The following FHIT variants were observed in gnomAD, a reference collection of about 807,000 sequenced individuals.
The protein encoded by FHIT is fragile histidine triad diadenosine triphosphatase.
Under a neutral mutation model 17.9 loss-of-function variants are expected in FHIT, and 19 were observed. The observed-to-expected ratio is 1.06, with a 90% CI of 0.74 to 1.56. FHIT has a LOEUF of 1.56. Among genes scored for constraint, FHIT ranks in the 40% most tolerant of loss-of-function variants. The pLI is 0.00. For missense variants in FHIT, 248 were observed against 189.2 expected (o/e 1.31, Z -1.82); for synonymous variants, 81 against 69.7 (o/e 1.16, Z -0.81).
intron 3 of FHIT, among the ~76,000 whole-genome samples, chr3:60,827,550 A>G (rs1465302387): frequency 6.6e-6 from 1 of 152,220 alleles, no homozygotes; most frequent in Admixed American, 6.5e-5. Context: ...GATTCCACAC[A>G]TGGAAATTAG....
chr3:60,591,175 T>C (rs1323683769), intron 4 of FHIT, among the ~76,000 whole-genome samples: 3 of 152,006 alleles, frequency 2.0e-5, no homozygotes, highest in Non-Finnish European at 4.4e-5. Context: ...AACTAAAACA[T>C]ATTTTCCATT....
chr3:61,218,534 C>T (rs182543704), intron 1 of FHIT, among the ~76,000 whole-genome samples: 9 of 151,724 alleles, frequency 5.9e-5, no homozygotes, highest in Admixed American at 3.9e-4. Flanking sequence ...GGCTGGAAGA[C>T]GGTTTGTTTG....
intron 5 of FHIT, among the ~76,000 whole-genome samples, chr3:60,097,928 T>C (rs950811608): frequency 7.6e-5 from 11 of 144,616 alleles, no homozygotes; most frequent in Middle Eastern, 3.6e-3. Flanking sequence ...TGTGTTCTCA[T>C]TGTTCAATTC....
intron 5 of FHIT, among the ~76,000 whole-genome samples, chr3:60,243,480 C>T (rs772205004): frequency 1.3e-4 from 20 of 152,088 alleles, no homozygotes; most frequent in Non-Finnish European, 2.8e-4. Context: ...TGCCTGCATA[C>T]ACTCTAGGGA....
intron 5 of FHIT, 106 bp downstream of exon 5, chr3:60,536,754 T>C (rs2035995051): frequency 2.5e-6 from 3 of 1,223,490 alleles, no homozygotes; most frequent in South Asian, 4.0e-5. Context: ...ATTCTTTATT[T>C]ACCTTTTTGG....
intron 1 of FHIT, among the ~76,000 whole-genome samples, chr3:61,213,734 A>G (rs999191358): frequency 7.2e-5 from 11 of 152,192 alleles, no homozygotes; most frequent in South Asian, 2.1e-4. Flanking sequence ...CACCTATTCC[A>G]AAATTGACCA....
chr3:60,251,829 T>C (rs1269521605), intron 5 of FHIT, among the ~76,000 whole-genome samples: 2 of 152,214 alleles, frequency 1.3e-5, no homozygotes, highest in Non-Finnish European at 2.9e-5. Context: ...GAACTAACTA[T>C]GTGCAAGACA....
At chr3:60,757,263 T>C (rs1449597089) in intron 4 of FHIT, among the ~76,000 whole-genome samples, 1 of 152,190 alleles carries the variant, frequency 6.6e-6, no homozygotes, top group African/African-American at 2.4e-5. Context: ...CCAATATTTA[T>C]TGAGAAACCA....
intron 4 of FHIT, among the ~76,000 whole-genome samples, chr3:60,648,058 T>C (rs1553687250): frequency 6.6e-6 from 1 of 152,126 alleles, no homozygotes; most frequent in Admixed American, 6.5e-5. Context: ...AGGTCACTCC[T>C]AAGCCTTCAA....
At chr3:60,130,372 T>G (rs1004550595) in intron 5 of FHIT, among the ~76,000 whole-genome samples, 1 of 152,152 alleles carries the variant, frequency 6.6e-6, no homozygotes, top group African/African-American at 2.4e-5. Flanking sequence ...TGGCTATAAC[T>G]AGCACTATCC....
At chr3:60,744,258 C>CAAAA (rs371224955) in intron 4 of FHIT, among the ~76,000 whole-genome samples, 37 of 95,582 alleles carry the variant, frequency 3.9e-4, no homozygotes, top group African/African-American at 8.3e-4. Context: ...AAAAAAAAAA[C>CAAAA]AAAACAAAAC....
intron 5 of FHIT, among the ~76,000 whole-genome samples, chr3:60,435,976 A>G (rs999215966): frequency 6.6e-6 from 1 of 152,128 alleles, no homozygotes; most frequent in Non-Finnish European, 1.5e-5. Flanking sequence ...TTATCCCTGC[A>G]AAGGACATGA....
intron 8 of FHIT, among the ~76,000 whole-genome samples, chr3:59,883,658 G>T (rs1362940823): frequency 1.3e-5 from 2 of 152,192 alleles, no homozygotes; most frequent in African/African-American, 4.8e-5. Context: ...ATTGTATCTT[G>T]TGGTGGAAAT....
chr3:60,137,818 T>C (rs1267919352), intron 5 of FHIT, among the ~76,000 whole-genome samples: 1 of 152,052 alleles, frequency 6.6e-6, no homozygotes, highest in African/African-American at 2.4e-5. Flanking sequence ...AAAAAGAAAG[T>C]GACAACACAA....
At chr3:60,874,580 T>G (rs1553755873) in intron 3 of FHIT, among the ~76,000 whole-genome samples, 2 of 152,172 alleles carry the variant, frequency 1.3e-5, no homozygotes, top group Non-Finnish European at 2.9e-5. Context: ...GAGTCCTGTT[T>G]AGAACAAGTA....
intron 5 of FHIT, among the ~76,000 whole-genome samples, chr3:60,385,084 A>G (rs1700957912): frequency 6.6e-6 from 1 of 152,226 alleles, no homozygotes; most frequent in Admixed American, 6.5e-5. Flanking sequence ...AAAAAAATGC[A>G]TACAATATAG....
chr3:59,999,290 G>A (rs1162029567), intron 7 of FHIT, among the ~76,000 whole-genome samples: 1 of 152,108 alleles, frequency 6.6e-6, no homozygotes, highest in Non-Finnish European at 1.5e-5. Flanking sequence ...TAAAAAGAAA[G>A]GAGAGAATAG....
chr3:60,898,724 A>C (rs1705952896), intron 3 of FHIT, among the ~76,000 whole-genome samples: 1 of 152,184 alleles, frequency 6.6e-6, no homozygotes, highest in African/African-American at 2.4e-5. Context: ...CTCAGTCTTT[A>C]CGATGTTAAA....
At chr3:60,649,143 A>G (rs2039932883) in intron 4 of FHIT, among the ~76,000 whole-genome samples, 1 of 152,140 alleles carries the variant, frequency 6.6e-6, no homozygotes, top group Non-Finnish European at 1.5e-5. Context: ...CACGCCTGTA[A>G]TCCCAGCACT....
Sources: gnomAD v4.1 joint callset for allele counts (sites outside exome capture counted in the v4.1 genomes callset) on GRCh38, gnomAD v4.1.1 for gene constraint, MANE v1.5 for transcripts, NCBI Gene and HGNC (gene_info 2026-07-23, HGNC 2026-07-21) for gene names.